ANK1: variants seen among roughly 807,000 people sequenced by gnomAD.
ANK1 encodes ankyrin 1, also known as ankyrin-1.
In ANK1, 51 loss-of-function variants were observed where a neutral mutation model predicts 210.4. The observed-to-expected ratio is 0.24, with a 90% CI of 0.19 to 0.31. ANK1 has a LOEUF of 0.31. Among genes scored for constraint, ANK1 ranks in the 10% least tolerant of loss-of-function variants. The probability of loss-of-function intolerance (pLI) is 1.00; values close to 1 mark genes in which losing one functional copy is unlikely to be tolerated. For missense variants in ANK1, 2,051 were observed against 2,504.4 expected, an observed-to-expected ratio of 0.82 and a Z score of 3.86; for synonymous variants, 967 against 1,025.9, an observed-to-expected ratio of 0.94 and a Z score of 1.10.
chr8:41,735,573 C>T (rs760167826), intron 2 of ANK1, among the ~76,000 whole-genome samples: 4 of 152,166 alleles, frequency 2.6e-5, no homozygotes, highest in Admixed American at 6.5e-5. Context: ...CCCTGACTCA[C>T]GTCCCCAAAT....
In ANK1 at chr8:41,684,296, G is replaced by C. The variant is rs571467959; in HGVS notation, c.4537+248C>G. Among the ~76,000 whole-genome samples the C allele has an allele frequency of 1.4e-3, 213 of 152,358 alleles. 1 individual carries two copies. The highest frequency in any genetic ancestry group is 4.9e-3 in the African/African-American group (204 of 41,592). On this transcript the variant is annotated intron_variant, in intron 37 of 42. Coordinates refer to ENST00000289734, the MANE Select transcript of ANK1 (RefSeq NM_000037.4). ...GCAGTTGCTGATGGCAAGGGCCTGGGGGCCATTCTGCAGGGCTGCAAAGGC... is the reference window on the plus strand; with the variant it reads ...GCAGTTGCTGATGGCAAGGGCCTGGCGGCCATTCTGCAGGGCTGCAAAGGC...
At chr8:41,741,825 A>C (rs116687298) in intron 2 of ANK1, among the ~76,000 whole-genome samples, 3,293 of 152,278 alleles carry the variant, frequency 0.022, 115 homozygotes, top group African/African-American at 0.075. Context: ...AGCCTTCTGC[A>C]TCCTACATAC....
At chr8:41,780,221 T>C (rs1563750774) in intron 1 of ANK1, among the ~76,000 whole-genome samples, 2 of 152,142 alleles carry the variant, frequency 1.3e-5, no homozygotes, top group Non-Finnish European at 2.9e-5. Flanking sequence ...GAATTTTTTT[T>C]AGAGATGGGG....
intron 23 of ANK1, among the ~76,000 whole-genome samples, chr8:41,698,863 C>T (rs1002155102): frequency 6.6e-6 from 1 of 151,934 alleles, no homozygotes; most frequent in Non-Finnish European, 1.5e-5. Context: ...GTGGCGCGAT[C>T]TTGGCTCACT....
intron 1 of ANK1, among the ~76,000 whole-genome samples, chr8:41,880,051 G>A (rs377593616): frequency 7.9e-5 from 12 of 152,310 alleles, no homozygotes; most frequent in African/African-American, 2.9e-4. Context: ...CAAGGGCCAG[G>A]TCTAGCCCGC....
At chr8:41,666,925 A>C (rs1001303035) in intron 39 of ANK1, among the ~76,000 whole-genome samples, 7 of 152,138 alleles carry the variant, frequency 4.6e-5, no homozygotes, top group Non-Finnish European at 1.5e-5. Context: ...CTCATTTATA[A>C]TTGAGGGAGT....
intron 37 of ANK1, among the ~76,000 whole-genome samples, chr8:41,677,728 T>C (rs1335413473): frequency 6.6e-6 from 1 of 151,986 alleles, no homozygotes; most frequent in Non-Finnish European, 1.5e-5. Context: ...TAGCTAAAAG[T>C]ACAGGCACGC....
chr8:41,692,299 T>C (rs1272299537), intron 31 of ANK1, among the ~76,000 whole-genome samples: 1 of 152,202 alleles, frequency 6.6e-6, no homozygotes, highest in East Asian at 1.9e-4. Flanking sequence ...TCAGGTGATC[T>C]GCCCGCCTTG....
rs772833408 is a variant in ANK1, at chr8:41,672,925, A to T, written c.4538-13T>A. 8.2e-6 allele frequency: 13 copies of T among 1,589,992 alleles called. No individual in the cohort carries two copies. Among genetic ancestry groups the T allele is most frequent in the Non-Finnish European group, 1.1e-5 (13 of 1,174,152 alleles). ...AGTGAGGAGTAACCTGGATGGGCAGACAGAGGGCAACATGCTCCAGCAGTG... is the reference window on the plus strand; with the variant it reads ...AGTGAGGAGTAACCTGGATGGGCAGTCAGAGGGCAACATGCTCCAGCAGTG... On this transcript the variant is annotated splice_polypyrimidine_tract_variant and intron_variant, in intron 37 of 42. Transcript: ENST00000289734.
intron 1 of ANK1, among the ~76,000 whole-genome samples, chr8:41,820,167 CT>C (rs35718313): frequency 6.6e-4 from 97 of 147,774 alleles, no homozygotes; most frequent in African/African-American, 1.5e-3. Flanking sequence ...TAGATCTCAC[CT>C]TTTTTTTTTT....
intron 22 of ANK1, among the ~76,000 whole-genome samples, chr8:41,700,112 G>C (rs1055285410): frequency 2.0e-5 from 3 of 152,236 alleles, no homozygotes; most frequent in African/African-American, 4.8e-5. Context: ...TCGACCTTGA[G>C]GGGTCATTCA....
Position 41,694,764 on chromosome 8 carries a change from C to T in ANK1, c.3155G>A (p.Cys1052Tyr), listed in dbSNP as rs1350732260. 3.1e-6 allele frequency: 5 copies of T among 1,614,154 alleles called. No individual in the cohort carries two copies. Among genetic ancestry groups the T allele is most frequent in the Non-Finnish European group, 4.2e-6 (5 of 1,180,008 alleles). The change falls in exon 28 of 43, where the codon TGC (cysteine) becomes TAC (tyrosine). Residue 1052 changes from cysteine (C) to tyrosine (Y), a missense_variant. Physicochemically the swap from Cys to Tyr is radical, Grantham distance 194. Coordinates refer to ENST00000289734, the MANE Select transcript of ANK1 (RefSeq NM_000037.4). This position sits in a 1 kb window ranked among gnomAD's most constrained non-coding sequence, Gnocchi z 5.7. ...CGGGAAGTCGGTGGTGATGATTCGG[C>T]ACACCCTCTTCTTCTCTAGCTCCTC... ...SLEELEKKRVCRIITTDFPLY... is the reference protein window; with the variant it reads ...SLEELEKKRVYRIITTDFPLY...
chr8:41,812,112 C>T (rs140963823), intron 1 of ANK1, among the ~76,000 whole-genome samples: 10 of 152,272 alleles, frequency 6.6e-5, no homozygotes, highest in African/African-American at 2.4e-4. Context: ...TCAAGTAACC[C>T]ACTTAATGTA....
intron 1 of ANK1, among the ~76,000 whole-genome samples, chr8:41,775,442 G>A (rs1843815697): frequency 6.6e-6 from 1 of 152,214 alleles, no homozygotes; most frequent in Non-Finnish European, 1.5e-5. Context: ...CCCTTACATG[G>A]AGAAGGTAGC....
rs112604824 is a variant in ANK1, at chr8:41,824,108, C to A, written c.127-65971G>T. On this transcript the variant is annotated intron_variant, in intron 1 of 42. Coordinates refer to the ANK1 transcript ENST00000265709. ...CTGAGTAGCTGGGATTACAGGTGCA[C>A]GCCACCATGCCTGGTTAATTTTTGT... Among the ~76,000 whole-genome samples the A allele has an allele frequency of 6.5e-3, 993 of 151,994 alleles. 11 individuals are homozygous for A. The highest frequency in any genetic ancestry group is 0.023 in the African/African-American group (957 of 41,440).
chr8:41,884,565 C>T (rs573604829), intron 1 of ANK1, among the ~76,000 whole-genome samples: 11 of 151,702 alleles, frequency 7.3e-5, no homozygotes, highest in East Asian at 2.0e-4. Context: ...CCGAGCACCG[C>T]GGCTCGCATC....
intron 1 of ANK1, among the ~76,000 whole-genome samples, chr8:41,813,181 C>T (rs189030230): frequency 2.0e-5 from 3 of 152,308 alleles, no homozygotes; most frequent in Non-Finnish European, 1.5e-5. Context: ...ATGTCTCTGG[C>T]GATCTAAGTG....
chr8:41,703,450 A>ATTTTTTTTTTT (rs58196949), intron 20 of ANK1, among the ~76,000 whole-genome samples: 8 of 58,820 alleles, frequency 1.4e-4, no homozygotes, highest in African/African-American at 7.2e-4. Context: ...ATATATATAT[A>ATTTTTTTTTTT]TTTTTTTTTT....
At chr8:41,684,814 C>A (rs1419421412) in intron 36 of ANK1, 124 bp from the exon 37 acceptor site, 18 of 1,265,588 alleles carry the variant, frequency 1.4e-5, no homozygotes, top group Admixed American at 1.9e-5. Context: ...GGTGGAGGCA[C>A]CCTCTTTTAT....
Sources: gnomAD v4.1 joint callset for allele counts (sites outside exome capture counted in the v4.1 genomes callset) on GRCh38, gnomAD v4.1.1 for gene constraint, Gnocchi (gnomAD v3.1) non-coding constraint, MANE v1.5 for transcripts, NCBI Gene and HGNC (gene_info 2026-07-23, HGNC 2026-07-21) for gene names.